The following FARP2 variants were observed in gnomAD, a reference collection of about 807,000 sequenced individuals.
The protein encoded by FARP2 is FERM, ARHGEF and pleckstrin domain-containing protein 2.
FARP2 carries 111 observed loss-of-function variants against 130.5 expected under a neutral mutation model. That is an observed-to-expected ratio of 0.85 (90% CI 0.73 to 1.00). The LOEUF (loss-of-function observed/expected upper bound fraction) is 1.00. FARP2 is among the 50% of genes least tolerant of loss of function. The probability of loss-of-function intolerance (pLI) is 0.00; values close to 1 mark genes in which losing one functional copy is unlikely to be tolerated. For synonymous variants in FARP2, 504 were observed against 516.9 expected, an observed-to-expected ratio of 0.98 and a Z score of 0.34; for missense variants, 1,385 against 1,346.3, an observed-to-expected ratio of 1.03 and a Z score of -0.45.
intron 13 of FARP2, among the ~76,000 whole-genome samples, chr2:241,450,400 G>C (rs1018050274): frequency 5.9e-5 from 9 of 151,948 alleles, no homozygotes; most frequent in African/African-American, 2.2e-4. Context: ...AGGCGCGGTG[G>C]CTCACGCCTG....
intron 21 of FARP2, among the ~76,000 whole-genome samples, chr2:241,486,003 A>T (rs764319859): frequency 4.6e-5 from 7 of 152,240 alleles, no homozygotes; most frequent in Non-Finnish European, 7.3e-5. Flanking sequence ...GTAAAATTTA[A>T]TTCCACTTCT....
At chr2:241,449,651 A>G (rs1052975574) in intron 13 of FARP2, among the ~76,000 whole-genome samples, 10 of 152,146 alleles carry the variant, frequency 6.6e-5, no homozygotes, top group Non-Finnish European at 1.5e-4. Context: ...CATTTCAGAA[A>G]TCATATGATG....
rs550432893 is a variant in FARP2, at chr2:241,459,684, C to T, written c.1587+2762C>T. On this transcript the variant is annotated intron_variant, in intron 14 of 26. Coordinates refer to ENST00000264042, the MANE Select transcript of FARP2 (RefSeq NM_014808.4). The surrounding 1 kb of genome is among the most constrained non-coding windows in gnomAD (Gnocchi z 5.3). Reference sequence around the variant, plus strand: ...GCTCCTCTGGGCCTATCCCTGGCCGCCGTCTCATCCCTGGCCTGCAGCCCA... The same window carrying T: ...GCTCCTCTGGGCCTATCCCTGGCCGTCGTCTCATCCCTGGCCTGCAGCCCA... Among the ~76,000 whole-genome samples the T allele has an allele frequency of 9.1e-4, 139 of 152,344 alleles. 1 individual carries two copies. Among genetic ancestry groups the T allele is most frequent in the African/African-American group, 2.9e-3 (120 of 41,584 alleles).
In FARP2 at chr2:241,489,820, T is replaced by G. The variant is rs13417531; in HGVS notation, c.2422-142T>G. The G allele has an allele frequency of 6.9e-3, 4,272 of 614,952 alleles. 140 individuals carry two copies. Among genetic ancestry groups the G allele is most frequent in the African/African-American group, 0.069 (3,787 of 54,692 alleles). 38.1% of individuals were successfully genotyped at this position (614,952 alleles called of 1,614,324 possible). On this transcript the variant is annotated intron_variant, in intron 21 of 26. Transcript: ENST00000264042. ...GGATACCAGTGTCCTCCTTGGCCTC[T>G]TGTAGAGTCTGTGTGCACTTGGACA...
At chr2:241,384,996 A>G (rs1188496394) in intron 2 of FARP2, among the ~76,000 whole-genome samples, 1 of 152,226 alleles carries the variant, frequency 6.6e-6, no homozygotes, top group African/African-American at 2.4e-5. Context: ...TATTAATTGT[A>G]TTAAGAAATG....
At chr2:241,481,056 CAAAAAAAAAAAA>C (rs34996407) in intron 19 of FARP2, among the ~76,000 whole-genome samples, 1 of 105,180 alleles carries the variant, frequency 9.5e-6, no homozygotes, top group African/African-American at 3.6e-5. Flanking sequence ...TTGTCTCTAC[CAAAAAAAAAAAA>C]AAAAAAAAAA....
chr2:241,475,735 G>A lies in FARP2; in HGVS notation c.2132-122G>A. 3 of 832,194 alleles carry A rather than the reference G, an allele frequency of 3.6e-6. No individual in the cohort carries two copies. The highest frequency in any genetic ancestry group is 5.1e-6 in the Non-Finnish European group (3 of 585,870). 51.6% of individuals were successfully genotyped at this position (832,194 alleles called of 1,614,324 possible). A position where few individuals can be genotyped will look rare whatever the true frequency, so the allele number is the denominator to read the frequency against. On this transcript the variant is annotated intron_variant, in intron 18 of 26. Transcript: ENST00000264042. The surrounding 1 kb of genome is among the most constrained non-coding windows in gnomAD (Gnocchi z 4.4). Reference sequence around the variant, plus strand: ...GGGGACCGCTGCTATAAGGAGTCGAGTAGGATGTACCTCTAATTAGAACTG... The same window carrying A: ...GGGGACCGCTGCTATAAGGAGTCGAATAGGATGTACCTCTAATTAGAACTG...
At chr2:241,433,503 T>C (rs1437119709) in intron 9 of FARP2, among the ~76,000 whole-genome samples, 1 of 152,068 alleles carries the variant, frequency 6.6e-6, no homozygotes, top group Non-Finnish European at 1.5e-5. Context: ...TTTAAAAATA[T>C]ATACCATGTA....
At chr2:241,372,147 G>A (rs2061438106) in intron 1 of FARP2, among the ~76,000 whole-genome samples, 1 of 152,036 alleles carries the variant, frequency 6.6e-6, no homozygotes, top group Non-Finnish European at 1.5e-5. Context: ...GGCACAAAAG[G>A]AGAGTTGAAA....
chr2:241,364,039 AT>A (rs1482122095), intron 1 of FARP2, among the ~76,000 whole-genome samples: 3 of 152,188 alleles, frequency 2.0e-5, no homozygotes, highest in Non-Finnish European at 4.4e-5. Context: ...TATGTGACTG[AT>A]TTGGCAAAAG....
At chr2:241,360,535 G>T (rs1040149397) in intron 1 of FARP2, among the ~76,000 whole-genome samples, 2 of 152,056 alleles carry the variant, frequency 1.3e-5, no homozygotes, top group Non-Finnish European at 2.9e-5. Context: ...TGAGCCAAGT[G>T]TGGTGGCATG....
intron 1 of FARP2, among the ~76,000 whole-genome samples, chr2:241,367,806 G>C (rs2061347580): frequency 6.6e-6 from 1 of 151,828 alleles, no homozygotes; most frequent in Non-Finnish European, 1.5e-5. Flanking sequence ...AAGGGGAAGA[G>C]TTTTGGTAGC....
chr2:241,442,175 A>G (rs902937795), intron 13 of FARP2: 13 of 451,244 alleles, frequency 2.9e-5, no homozygotes, highest in African/African-American at 6.0e-5. Context: ...AGCTCCCTCA[A>G]TAACATGCCA....
At chr2:241,366,133 A>ATACGTG (rs2061313783) in intron 1 of FARP2, among the ~76,000 whole-genome samples, 2 of 136,672 alleles carry the variant, frequency 1.5e-5, no homozygotes, top group Non-Finnish European at 1.6e-5. Flanking sequence ...GTATATATAT[A>ATACGTG]TATATACACA....
chr2:241,459,233 A>T lies in FARP2; in HGVS notation c.1587+2311A>T, dbSNP rs1372258371. On this transcript the variant is annotated intron_variant, in intron 14 of 26. Transcript: ENST00000264042. The surrounding 1 kb of genome is among the most constrained non-coding windows in gnomAD (Gnocchi z 5.3). ...CAGAGTACCCCTCTGTGCTGACCTC[A>T]TGAACCAGTGTGCCCAGCCAGGCTG... Among the ~76,000 whole-genome samples the T allele has an allele frequency of 6.6e-6, 1 of 152,154 alleles. No homozygotes were observed. Among genetic ancestry groups the T allele is most frequent in the Non-Finnish European group, 1.5e-5 (1 of 68,028 alleles).
chr2:241,478,876 A>G, intron 19 of FARP2: 1 of 387,688 alleles, frequency 2.6e-6, no homozygotes, highest in Admixed American at 3.5e-5. Flanking sequence ...ATGGGAATGA[A>G]GATCAGGCCA....
intron 21 of FARP2, among the ~76,000 whole-genome samples, chr2:241,486,411 G>A (rs541232054): frequency 4.0e-5 from 5 of 126,310 alleles, no homozygotes; most frequent in Admixed American, 9.9e-5. Flanking sequence ...GTAGTGAGCC[G>A]TGATCGTACC....
intron 8 of FARP2, among the ~76,000 whole-genome samples, chr2:241,419,291 T>G (rs959231428): frequency 1.3e-5 from 2 of 152,090 alleles, no homozygotes; most frequent in Non-Finnish European, 2.9e-5. Flanking sequence ...TGCCTTCAGG[T>G]GGAGGGTCTG....
At position 241,457,742 on chromosome 2, in the gene FARP2, G is replaced by A. The variant is rs201775372; in HGVS notation, c.1587+820G>A. On this transcript the variant is annotated intron_variant, in intron 14 of 26. Transcript: ENST00000264042. ...TTGGGTTCTGGAGAGGCTCTTGGGC[G>A]GGAGACCCAGTGTAGAAACATCTGG... 3.8e-3 allele frequency among the ~76,000 whole-genome samples: 489 copies of A among 127,826 alleles called. 1 individual carries two copies. The highest frequency in any genetic ancestry group is 0.02 in the Admixed American group (240 of 11,890). The allele number at this position is 127,826 out of a possible 152,430, so 83.9% of individuals were successfully genotyped here.
Sources: gnomAD v4.1 joint callset for allele counts (sites outside exome capture counted in the v4.1 genomes callset) on GRCh38, gnomAD v4.1.1 for gene constraint, Gnocchi (gnomAD v3.1) non-coding constraint, MANE v1.5 for transcripts, NCBI Gene and HGNC (gene_info 2026-07-23, HGNC 2026-07-21) for gene names.